Variants in DUSP18 observed in about 807,000 individuals in gnomAD.
DUSP18 encodes the protein dual specificity phosphatase 18.
DUSP18 carries 4 observed loss-of-function variants against 6.3 expected under a neutral mutation model. The ratio of observed to expected loss-of-function variants is 0.63; its 90% CI spans 0.31 to 1.45. DUSP18 has a LOEUF of 1.45. Ranked by LOEUF, DUSP18 falls within the 40% of genes most tolerant of loss-of-function variation. The pLI is 0.07. For missense variants in DUSP18, 235 were observed against 247.7 expected (o/e 0.95, Z 0.34); for synonymous variants, 96 against 95.1 (o/e 1.01, Z -0.05).
downstream of DUSP18, chr22:30,661,444 C>CTTTTTTTTT (rs56242112): frequency 4.4e-5 from 6 of 136,478 alleles, no homozygotes; most frequent in Non-Finnish European, 7.7e-5. Context: ...TTTTCTTTTT[C>CTTTTTTTTT]TTTTTTTTTT....
At chr22:30,664,434 C>A (rs574475474) in intron 1 of DUSP18, among the ~76,000 whole-genome samples, 3 of 152,340 alleles carry the variant, frequency 2.0e-5, no homozygotes, top group Non-Finnish European at 1.5e-5. Flanking sequence ...CTCAGCTGTG[C>A]CTTGGCCTGA....
rs1229909934 is a variant in DUSP18, at chr22:30,661,853, T to G, written c.*1584A>C. Reference sequence around the variant, plus strand: ...TCCCAGTAGTCAGCCGGGGTGCAGGTTTTCATAGTGATTCTAAACAAGGCT... The same window carrying G: ...TCCCAGTAGTCAGCCGGGGTGCAGGGTTTCATAGTGATTCTAAACAAGGCT... On this transcript the variant is annotated 3_prime_UTR_variant, in exon 2 of 2. Coordinates refer to ENST00000334679, the MANE Select transcript of DUSP18 (RefSeq NM_152511.5). The G allele has an allele frequency of 6.6e-6, 1 of 151,804 alleles. No individual in the cohort carries two copies. The highest frequency in any genetic ancestry group is 1.9e-4 in the East Asian group (1 of 5,168). The allele number at this position is 151,804 out of a possible 1,614,324, so 9.4% of individuals were successfully genotyped here.
At chr22:30,664,271 C>A (rs1485916316) in intron 1 of DUSP18, among the ~76,000 whole-genome samples, 191 bp from the exon 2 acceptor site, 4 of 152,194 alleles carry the variant, frequency 2.6e-5, no homozygotes, top group African/African-American at 4.8e-5. Context: ...GTCAGACTCT[C>A]GGGGTGAAGA....
Position 30,663,264 on chromosome 22 carries a change from A to G in DUSP18, c.*173T>C, listed in dbSNP as rs1048687783. Reference sequence around the variant, plus strand: ...ACCATCTCACAATTAGTTTAATCTTAAAAAAAATGGATTATAAAGTTAAAA... The same window carrying G: ...ACCATCTCACAATTAGTTTAATCTTGAAAAAAATGGATTATAAAGTTAAAA... On this transcript the variant is annotated 3_prime_UTR_variant, in exon 2 of 2. Coordinates refer to ENST00000334679, the MANE Select transcript of DUSP18 (RefSeq NM_152511.5). 1.8e-5 allele frequency: 12 copies of G among 675,380 alleles called. No homozygotes were observed. Among genetic ancestry groups the G allele is most frequent in the Admixed American group, 3.1e-5 (1 of 32,136 alleles). The allele number at this position is 675,380 out of a possible 1,614,324, so 41.8% of individuals were successfully genotyped here.
intron 1 of DUSP18, among the ~76,000 whole-genome samples, 157 bp from the exon 2 acceptor site, chr22:30,664,237 C>A (rs1172282220): frequency 2.0e-5 from 3 of 152,142 alleles, no homozygotes; most frequent in Admixed American, 2.0e-4. Context: ...AGTACAGATA[C>A]CCAGGTCCCT....
rs901519950 is a variant in DUSP18 at position 30,662,255 on chromosome 22, T to A, written c.*1182A>T. 6.6e-6 allele frequency: 1 copy of A among 152,168 alleles called. No homozygotes were observed. The highest frequency in any genetic ancestry group is 6.5e-5 in the Admixed American group (1 of 15,270). 9.4% of individuals were successfully genotyped at this position (152,168 alleles called of 1,614,324 possible). A position where few individuals can be genotyped will look rare whatever the true frequency, so the allele number is the denominator to read the frequency against. ...CCAAGAAATTGTTGAATCTTCACAATAACTCTGTGAGAAAAGGGCTGTCAT... is the reference window on the plus strand; with the variant it reads ...CCAAGAAATTGTTGAATCTTCACAAAAACTCTGTGAGAAAAGGGCTGTCAT... On this transcript the variant is annotated 3_prime_UTR_variant, in exon 2 of 2. Coordinates refer to ENST00000334679, the MANE Select transcript of DUSP18 (RefSeq NM_152511.5).
downstream of DUSP18, among the ~76,000 whole-genome samples, chr22:30,657,306 C>CACACACAA (rs1327783231): frequency 8.9e-6 from 1 of 112,450 alleles, no homozygotes; most frequent in Non-Finnish European, 1.7e-5. Flanking sequence ...CACACACACA[C>CACACACAA]AAATTAGCCG....
Position 30,663,060 on chromosome 22 carries a change from G to C in DUSP18, c.*377C>G, listed in dbSNP as rs953733455. ...ATGATGCTTAAGGCTCTGGCTCTGGGTGTGAAAGAATGAGGTGGAATTGTA... is the reference window on the plus strand; with the variant it reads ...ATGATGCTTAAGGCTCTGGCTCTGGCTGTGAAAGAATGAGGTGGAATTGTA... On this transcript the variant is annotated 3_prime_UTR_variant, in exon 2 of 2. Transcript: ENST00000334679. The C allele has an allele frequency of 1.0e-5, 2 of 200,266 alleles. No individual in the cohort carries two copies. The highest frequency in any genetic ancestry group is 2.1e-5 in the Non-Finnish European group (2 of 97,402). 12.4% of individuals were successfully genotyped at this position (200,266 alleles called of 1,614,324 possible).
At position 30,663,429 on chromosome 22, in the gene DUSP18, G is replaced by C. The variant is rs1292051248; in HGVS notation, c.*8C>G. The C allele has an allele frequency of 1.2e-6, 2 of 1,600,326 alleles. No individual in the cohort carries two copies. The highest frequency in any genetic ancestry group is 1.7e-6 in the Non-Finnish European group (2 of 1,169,494). ...CTCTGACTCCAATGCAGGGGCTCGT[G>C]GGATGGCTCACAGTGGAATCATCAA... On this transcript the variant is annotated 3_prime_UTR_variant, in exon 2 of 2. Transcript: ENST00000334679.
In DUSP18 at chr22:30,663,036, T is replaced by G. The variant is rs2088521471; in HGVS notation, c.*401A>C. 5.6e-6 allele frequency: 1 copy of G among 179,208 alleles called. No individual in the cohort carries two copies. The highest frequency in any genetic ancestry group is 1.2e-5 in the Non-Finnish European group (1 of 84,178). The allele number at this position is 179,208 out of a possible 1,614,324, so 11.1% of individuals were successfully genotyped here. A position where few individuals can be genotyped will look rare whatever the true frequency, so the allele number is the denominator to read the frequency against. Reference sequence around the variant, plus strand: ...ACTGTAAGAAGCGCAAGAGGTACCATGATGCTTAAGGCTCTGGCTCTGGGT... The same window carrying G: ...ACTGTAAGAAGCGCAAGAGGTACCAGGATGCTTAAGGCTCTGGCTCTGGGT... On this transcript the variant is annotated 3_prime_UTR_variant, in exon 2 of 2. Coordinates refer to ENST00000334679, the MANE Select transcript of DUSP18 (RefSeq NM_152511.5).
chr22:30,654,972 T>C (rs2088304515), intron 2 of DUSP18, among the ~76,000 whole-genome samples: 1 of 152,180 alleles, frequency 6.6e-6, no homozygotes, highest in Non-Finnish European at 1.5e-5. Context: ...ATGAGGAAAC[T>C]GAAGCCCAAA....
downstream of DUSP18, among the ~76,000 whole-genome samples, chr22:30,657,254 G>GT (rs2088356258): frequency 6.8e-6 from 1 of 147,164 alleles, no homozygotes; most frequent in Non-Finnish European, 1.5e-5. Context: ...GGCCAACACG[G>GT]TGAAACCCTG....
intron 1 of DUSP18, chr22:30,665,686 G>T (rs1443168464): frequency 8.5e-6 from 3 of 353,538 alleles, no homozygotes; most frequent in Non-Finnish European, 1.7e-5. Flanking sequence ...GTTTTGCTCC[G>T]ATCTGTCTGA....
intron 1 of DUSP18, chr22:30,665,400 C>T: frequency 5.2e-6 from 2 of 381,804 alleles, no homozygotes; most frequent in Non-Finnish European, 1.1e-5. Context: ...GTGAACCGAG[C>T]CACTTACAGT....
intron 2 of DUSP18, chr22:30,654,277 C>T: frequency 2.3e-6 from 1 of 441,152 alleles, no homozygotes; most frequent in Non-Finnish European, 4.5e-6. Context: ...AGCCACCGCG[C>T]CCGGCCATCC....
rs767138750 is a variant in DUSP18, at chr22:30,663,655, C to T, written c.349G>A (p.Ala117Thr). 7 of 1,614,150 alleles carry T rather than the reference C, an allele frequency of 4.3e-6. No homozygotes were observed. In the Admixed American group the frequency reaches 5.0e-5, roughly 12 times the overall value. ...ATGGCGTGGTACTTCATGAGGTAGG[C>T]GAGGCACAGGGCAGCTGAGCGGCTC... is the stretch of plus-strand genomic sequence containing the variant. Reference protein sequence around the residue: ...GVSRSAALCLAYLMKYHAMSL... With the variant: ...GVSRSAALCLTYLMKYHAMSL... Residue 117 changes from alanine (A) to threonine (T), a missense_variant, in exon 2 of 2, where the codon GCC (alanine) becomes ACC (threonine). Transcript: ENST00000334679.
In DUSP18 at chr22:30,663,424, C is replaced by T. The variant is rs893879557; in HGVS notation, c.*13G>A. 1 of 1,596,426 alleles carries T rather than the reference C, an allele frequency of 6.3e-7. No homozygotes were observed. ...TGTACCTCTGACTCCAATGCAGGGG[C>T]TCGTGGGATGGCTCACAGTGGAATC... On this transcript the variant is annotated 3_prime_UTR_variant, in exon 2 of 2. Coordinates refer to ENST00000334679, the MANE Select transcript of DUSP18 (RefSeq NM_152511.5).
downstream of DUSP18, among the ~76,000 whole-genome samples, chr22:30,657,327 C>T (rs528483451): frequency 2.0e-5 from 3 of 151,254 alleles, no homozygotes; most frequent in East Asian, 2.0e-4. Context: ...GGCGTGGGGG[C>T]GGGCACCTGT....
chr22:30,656,958 TA>T (rs2088350066), downstream of DUSP18, among the ~76,000 whole-genome samples: 2 of 151,552 alleles, frequency 1.3e-5, no homozygotes. Flanking sequence ...CTATTTTGTA[TA>T]AAAATATAAA....
Sources: allele counts gnomAD v4.1 joint callset (sites outside exome capture counted in the v4.1 genomes callset), GRCh38; gene constraint gnomAD v4.1.1; transcripts MANE v1.5; gene names NCBI Gene and HGNC (gene_info 2026-07-23, HGNC 2026-07-21).